The following PRKG1 variants were observed in gnomAD, a reference collection of about 807,000 sequenced individuals.
PRKG1 encodes the protein cGMP-dependent protein kinase 1.
Under a neutral mutation model 88.1 loss-of-function variants are expected in PRKG1, and 35 were observed. The ratio of observed to expected loss-of-function variants is 0.40; its 90% CI spans 0.30 to 0.53. The LOEUF is 0.53. Among genes scored for constraint, PRKG1 ranks in the 20% least tolerant of loss-of-function variants. PRKG1 has a pLI of 0.59. For missense variants in PRKG1, 540 were observed against 839.8 expected, an observed-to-expected ratio of 0.64 and a Z score of 4.41; for synonymous variants, 303 against 292.5, an observed-to-expected ratio of 1.04 and a Z score of -0.37.
At chr10:51,078,124 A>T (rs1844009948) in intron 1 of PRKG1, among the ~76,000 whole-genome samples, 1 of 152,058 alleles carries the variant, frequency 6.6e-6, no homozygotes, top group African/African-American at 2.4e-5. Flanking sequence ...TTTCAGTTGG[A>T]TTATATAGAC....
At chr10:52,278,076 C>T (rs939696949) in intron 12 of PRKG1, among the ~76,000 whole-genome samples, 1 of 151,942 alleles carries the variant, frequency 6.6e-6, no homozygotes, top group African/African-American at 2.4e-5. Context: ...TGACAAAGGG[C>T]TAATATCCAG....
At chr10:51,312,659 C>T (rs1444598562) in intron 2 of PRKG1, among the ~76,000 whole-genome samples, 1 of 151,314 alleles carries the variant, frequency 6.6e-6, no homozygotes, top group African/African-American at 2.4e-5. Flanking sequence ...AGTAAACAAA[C>T]ATAGGGAATG....
intron 2 of PRKG1, among the ~76,000 whole-genome samples, chr10:51,221,613 T>TAA (rs566865643): frequency 3.9e-5 from 5 of 126,674 alleles, no homozygotes; most frequent in African/African-American, 1.4e-4. Flanking sequence ...CAATGTGTTC[T>TAA]AAAAAAAAAA....
At chr10:52,150,165 A>G (rs1444381060) in intron 8 of PRKG1, among the ~76,000 whole-genome samples, 1 of 117,728 alleles carries the variant, frequency 8.5e-6, no homozygotes, top group Admixed American at 7.9e-5. Context: ...TAATAATAAT[A>G]ATAATAATAA....
intron 3 of PRKG1, among the ~76,000 whole-genome samples, chr10:51,491,407 T>A (rs951962630): frequency 2.0e-5 from 3 of 152,144 alleles, no homozygotes; most frequent in African/African-American, 7.2e-5. Context: ...TGAATAAATG[T>A]TGTTATTAAT....
In PRKG1 at chr10:51,794,561, G is replaced by A. The variant is rs187403425; in HGVS notation, c.593-10024G>A. The stretch of plus-strand genomic sequence containing the variant: ...TTTCTACTGTAGTTATTAATATATT[G>A]TATATATAGTGACAGTAGTTATTAA... On this transcript the variant is annotated intron_variant, in intron 3 of 17. Coordinates refer to ENST00000373980, the MANE Select transcript of PRKG1 (RefSeq NM_006258.4). Among the ~76,000 whole-genome samples the A allele has an allele frequency of 3.0e-4, 45 of 152,114 alleles. No individual in the cohort carries two copies. In the South Asian group the frequency reaches 6.2e-3, roughly 21 times the overall value.
rs187804493 is a variant in PRKG1 at position 51,969,610 on chromosome 10, G to T, written c.762+62040G>T. 2.0e-5 allele frequency among the ~76,000 whole-genome samples: 3 copies of T among 152,140 alleles called. No homozygotes were observed. In the East Asian group the frequency reaches 5.8e-4, roughly 29 times the overall value. The stretch of plus-strand genomic sequence containing the variant: ...GAAAAATAGCAAAAAGTCTCAAAGT[G>T]TTATATTGTATAAGAAAATATGCAA... On this transcript the variant is annotated intron_variant, in intron 5 of 17. Transcript: ENST00000373980.
At chr10:51,165,421 C>G (rs1348041867) in intron 2 of PRKG1, among the ~76,000 whole-genome samples, 2 of 152,114 alleles carry the variant, frequency 1.3e-5, no homozygotes, top group Non-Finnish European at 2.9e-5. Flanking sequence ...AAAGGAACAA[C>G]CGGTACCAGC....
intron 2 of PRKG1, among the ~76,000 whole-genome samples, chr10:51,352,961 G>A (rs149140705): frequency 1.7e-4 from 26 of 151,926 alleles, no homozygotes; most frequent in African/African-American, 5.1e-4. Flanking sequence ...AAAGACCAAC[G>A]GAACAGATAG....
intron 2 of PRKG1, among the ~76,000 whole-genome samples, chr10:51,445,827 C>T (rs555762913): frequency 3.3e-5 from 5 of 151,782 alleles, no homozygotes; most frequent in Non-Finnish European, 5.9e-5. Flanking sequence ...TAAAAATAGC[C>T]TTGCAGCTCT....
intron 3 of PRKG1, among the ~76,000 whole-genome samples, chr10:51,496,514 G>T (rs1363761537): frequency 6.6e-6 from 1 of 152,102 alleles, no homozygotes; most frequent in Admixed American, 6.5e-5. Flanking sequence ...TTTTGTTAAT[G>T]GAAATGTTCA....
chr10:51,115,850 A>AG (rs397963388), intron 1 of PRKG1, among the ~76,000 whole-genome samples: 1 of 151,116 alleles, frequency 6.6e-6, no homozygotes, highest in Non-Finnish European at 1.5e-5. Context: ...AAAAAAAAAA[A>AG]GGAATGATAA....
At chr10:51,845,794 T>G (rs1840382489) in intron 4 of PRKG1, among the ~76,000 whole-genome samples, 1 of 152,136 alleles carries the variant, frequency 6.6e-6, no homozygotes, top group Non-Finnish European at 1.5e-5. Flanking sequence ...CTTGCTAATT[T>G]TAGTTTTATA....
At chr10:51,691,980 C>A (rs755597846) in intron 3 of PRKG1, among the ~76,000 whole-genome samples, 9 of 152,164 alleles carry the variant, frequency 5.9e-5, no homozygotes, top group Non-Finnish European at 1.2e-4. Flanking sequence ...AGATGAGGAT[C>A]TTTTCCTCTG....
Position 51,260,820 on chromosome 10 carries a change from G to A in PRKG1, c.478+107490G>A, listed in dbSNP as rs576631242. ...GAATTTTAAAAAATGGTTTAGGTGA[G>A]ACTTAGCCATCAGAAACTAATTTGA... On this transcript the variant is annotated intron_variant, in intron 2 of 17. Transcript: ENST00000373980. Among the ~76,000 whole-genome samples, 27 of 152,310 alleles carry A rather than the reference G, an allele frequency of 1.8e-4. 1 individual carries two copies. The South Asian group carries it at 4.1e-3, about 23-fold the overall frequency.
chr10:52,281,877 G>A (rs1224039144), intron 13 of PRKG1, among the ~76,000 whole-genome samples: 1 of 151,938 alleles, frequency 6.6e-6, no homozygotes, highest in East Asian at 1.9e-4. Context: ...TAGCATAAAA[G>A]AAGAAAAAAT....
intron 2 of PRKG1, among the ~76,000 whole-genome samples, chr10:51,178,733 C>A (rs537099197): frequency 4.8e-4 from 73 of 151,948 alleles, no homozygotes; most frequent in Non-Finnish European, 1.5e-4. Context: ...TGAGACATAT[C>A]TCATATATCA....
intron 1 of PRKG1, among the ~76,000 whole-genome samples, chr10:51,016,594 C>T (rs1468540793): frequency 1.3e-5 from 2 of 148,686 alleles, no homozygotes; most frequent in African/African-American, 2.5e-5. Flanking sequence ...TAAGGCATTA[C>T]AGTTTATAAT....
intron 3 of PRKG1, among the ~76,000 whole-genome samples, chr10:51,719,124 T>C (rs975105754): frequency 7.3e-5 from 11 of 149,940 alleles, no homozygotes; most frequent in Non-Finnish European, 1.6e-4. Context: ...CATTCTAGCC[T>C]GGGAGACAGA....
Sources: gnomAD v4.1 joint callset for allele counts (sites outside exome capture counted in the v4.1 genomes callset) on GRCh38, gnomAD v4.1.1 for gene constraint, MANE v1.5 for transcripts, NCBI Gene and HGNC (gene_info 2026-07-23, HGNC 2026-07-21) for gene names.